EEA1: variants seen among roughly 807,000 people sequenced by gnomAD.
EEA1 encodes early endosome antigen 1, 162kD.
EEA1 carries 111 observed loss-of-function variants against 209.2 expected under a neutral mutation model. That is an observed-to-expected ratio of 0.53 (90% CI 0.45 to 0.62). The LOEUF is 0.62. Ranked by LOEUF, EEA1 falls within the 20% of genes least tolerant of loss-of-function variation. The pLI, the probability that EEA1 is intolerant of heterozygous loss-of-function variation, is 0.00. For synonymous variants in EEA1, 536 were observed against 540.6 expected (o/e 0.99, Z 0.12); for missense variants, 1,343 against 1,530.8 (o/e 0.88, Z 2.05).
chr12:92,857,472 G>T lies in EEA1; in HGVS notation c.259C>A (p.Leu87Met). ...NLALKRDDVT[L>M]LRQEVQDLQA... ...AGGTCTTGGACCTCTTGTCTGAGCA[G>T]TGTTACATCATCTCTAAATAAAAAT... Residue 87 changes from leucine to methionine, a missense_variant, in exon 4 of 29, where the codon CTG becomes ATG. Physicochemically the swap from Leu to Met is conservative, Grantham distance 15. Coordinates refer to ENST00000322349, the MANE Select transcript of EEA1 (RefSeq NM_003566.4). 1 of 1,579,770 alleles carries T rather than the reference G, an allele frequency of 6.3e-7. No individual in the cohort carries two copies.
intron 3 of EEA1, chr12:92,859,131 T>A (rs1878018662): frequency 7.7e-7 from 1 of 1,298,266 alleles, no homozygotes; most frequent in South Asian, 1.2e-5. Flanking sequence ...TACTAGAGAT[T>A]ATAAAGAAGA....
In EEA1 at chr12:92,798,942, T is replaced by A. The variant is rs1374845685; in HGVS notation, c.2917A>T (p.Lys973Ter). Residue 973 changes from lysine (K) to a stop codon, truncating the protein, a stop_gained, in exon 21 of 29, where the codon AAA (lysine) becomes TAA (stop). Transcript: ENST00000322349. LOFTEE classifies it high-confidence loss of function. ...TCTCCTTGGAGTGCTTCAATTTGTT[T>A]TTTCTTCTGTTCACTTGATTGCTTT... ...ELKQSSEQKK[K>*]QIEALQGELK... 6.2e-7 allele frequency: 1 copy of A among 1,611,534 alleles called. No homozygotes were observed. The highest frequency in any genetic ancestry group is 8.5e-7 in the Non-Finnish European group (1 of 1,179,404).
chr12:92,869,981 A>G (rs1223612749), intron 2 of EEA1, among the ~76,000 whole-genome samples: 1 of 152,038 alleles, frequency 6.6e-6, no homozygotes, highest in East Asian at 1.9e-4. Flanking sequence ...GTATCATCCT[A>G]CATGCACCCA....
At chr12:92,922,007 A>C (rs537446701) in intron 1 of EEA1, among the ~76,000 whole-genome samples, 4 of 152,094 alleles carry the variant, frequency 2.6e-5, no homozygotes, top group South Asian at 2.1e-4. Context: ...CTTACTTCCT[A>C]GTCATTCATT....
At chr12:92,857,209 A>G (rs983846403) in intron 5 of EEA1, 66 bp downstream of exon 5, 1 of 1,290,996 alleles carries the variant, frequency 7.7e-7, no homozygotes, top group Non-Finnish European at 1.1e-6. Context: ...AAAGGTATTA[A>G]GTTTAGTTTT....
chr12:92,826,709 C>G (rs113983516), intron 12 of EEA1, among the ~76,000 whole-genome samples: 13 of 130,686 alleles, frequency 9.9e-5, no homozygotes, highest in Middle Eastern at 4.1e-3. Flanking sequence ...AAAGAGACTC[C>G]GTCTCAAAAA....
At chr12:92,793,368 A>G (rs1189113329) in intron 21 of EEA1, among the ~76,000 whole-genome samples, 2 of 152,216 alleles carry the variant, frequency 1.3e-5, no homozygotes, top group Non-Finnish European at 2.9e-5. Flanking sequence ...ACATGATTGT[A>G]TATTTAGAAA....
At position 92,845,654 on chromosome 12, in the gene EEA1, C is replaced by T. The variant is rs533743071; in HGVS notation, c.799-3073G>A. On this transcript the variant is annotated intron_variant, in intron 9 of 28. Transcript: ENST00000322349. The stretch of plus-strand genomic sequence containing the variant: ...AAACTGTTCTAAAGTATTCCCACTT[C>T]CACTACCGCCCATATGCACTTTATT... 9.8e-5 allele frequency among the ~76,000 whole-genome samples: 15 copies of T among 152,322 alleles called. No individual in the cohort carries two copies. The South Asian group carries it at 3.1e-3, about 32-fold the overall frequency.
chr12:92,915,973 A>C (rs1197189682), intron 1 of EEA1, among the ~76,000 whole-genome samples: 1 of 152,226 alleles, frequency 6.6e-6, no homozygotes, highest in Non-Finnish European at 1.5e-5. Flanking sequence ...GACTGAGACT[A>C]TCAGAACTCA....
chr12:92,860,883 TA>T (rs1294239273), intron 3 of EEA1, among the ~76,000 whole-genome samples: 378 of 138,384 alleles, frequency 2.7e-3, no homozygotes, highest in African/African-American at 4.1e-3. Context: ...GGTTCTACCT[TA>T]AAAAAAAAAA....
intron 11 of EEA1, among the ~76,000 whole-genome samples, chr12:92,831,599 C>T (rs1430248150): frequency 7.0e-6 from 1 of 143,190 alleles, no homozygotes; most frequent in Non-Finnish European, 1.5e-5. Flanking sequence ...ATATATATTT[C>T]ATAAATATAT....
rs1329986514 is a variant in EEA1 at position 92,816,319 on chromosome 12, C to G, written c.1810G>C (p.Glu604Gln). Residue 604 changes from glutamate (E) to glutamine (Q), a missense_variant, in exon 15 of 29, where the codon GAG (glutamate) becomes CAG (glutamine). By Grantham distance (29) the Glu-to-Gln change is conservative. This residue lies in a region of EEA1 where 1,307 missense variants were observed against 1,465.5 expected (regional missense o/e 0.89). Coordinates refer to ENST00000322349, the MANE Select transcript of EEA1 (RefSeq NM_003566.4). ...AQENLHDQVQ[E>Q]QKAHLRAAQD... ...GCAGCTCTAAGATGTGCCTTCTGCT[C>G]TTGTACCTGGTCATGCAAATTCTCC... is the stretch of plus-strand genomic sequence containing the variant. 2 of 1,613,850 alleles carry G rather than the reference C, an allele frequency of 1.2e-6. No individual in the cohort carries two copies. Among genetic ancestry groups the G allele is most frequent in the African/African-American group, 2.7e-5 (2 of 74,916 alleles).
intron 3 of EEA1, chr12:92,859,329 C>A: frequency 8.3e-7 from 1 of 1,205,062 alleles, no homozygotes; most frequent in Non-Finnish European, 1.2e-6. Context: ...GAGAAGCCTT[C>A]AAGCTCTGAG....
intron 2 of EEA1, among the ~76,000 whole-genome samples, chr12:92,873,090 G>A (rs941423675): frequency 2.0e-5 from 3 of 152,190 alleles, no homozygotes; most frequent in African/African-American, 7.2e-5. Flanking sequence ...GTGGACTTGG[G>A]TCTTGGGTCT....
intron 2 of EEA1, among the ~76,000 whole-genome samples, chr12:92,869,394 T>C (rs1878531978): frequency 6.6e-6 from 1 of 152,082 alleles, no homozygotes; most frequent in African/African-American, 2.4e-5. Context: ...AACTAAGAAC[T>C]TACCTTAACT....
At chr12:92,899,426 C>T (rs73364438) in intron 1 of EEA1, among the ~76,000 whole-genome samples, 2,582 of 152,324 alleles carry the variant, frequency 0.017, 33 homozygotes, top group East Asian at 0.04. Context: ...AGCGTGGTCG[C>T]TGACCCTTCT....
chr12:92,780,779 T>C (rs147862543), intron 23 of EEA1, among the ~76,000 whole-genome samples: 59 of 152,274 alleles, frequency 3.9e-4, no homozygotes, highest in Non-Finnish European at 7.4e-4. Context: ...TATGTAGACT[T>C]TTAAATCTCC....
At chr12:92,877,534 A>ATT (rs113091247) in intron 2 of EEA1, among the ~76,000 whole-genome samples, 3 of 148,120 alleles carry the variant, frequency 2.0e-5, no homozygotes, top group African/African-American at 7.4e-5. Context: ...AATTAAAATA[A>ATT]TTTTTTTTTT....
intron 18 of EEA1, among the ~76,000 whole-genome samples, chr12:92,805,133 C>T (rs928361001): frequency 3.3e-5 from 5 of 152,048 alleles, no homozygotes; most frequent in Non-Finnish European, 5.9e-5. Context: ...AAAGCCATCT[C>T]GGAGATGATC....
Sources: allele counts gnomAD v4.1 joint callset (sites outside exome capture counted in the v4.1 genomes callset), GRCh38; gene constraint gnomAD v4.1.1; regional missense constraint gnomAD v4.1.1; transcripts MANE v1.5; gene names NCBI Gene and HGNC (gene_info 2026-07-23, HGNC 2026-07-21).